The following MAP3K5 variants were observed in gnomAD, a reference collection of about 807,000 sequenced individuals.
MAP3K5 encodes mitogen-activated protein kinase kinase kinase 5, also known as ASK-1.
A neutral mutation model predicts 158.7 loss-of-function variants in MAP3K5; 56 were observed. That is an observed-to-expected ratio of 0.35 (90% CI 0.28 to 0.44). The LOEUF (loss-of-function observed/expected upper bound fraction) is 0.44, where lower values mean the gene tolerates loss of function less well. Among genes scored for constraint, MAP3K5 ranks in the 20% least tolerant of loss-of-function variants. MAP3K5 has a pLI of 1.00. For synonymous variants in MAP3K5, 579 were observed against 601.7 expected (o/e 0.96, Z 0.55); for missense variants, 1,294 against 1,674.8 (o/e 0.77, Z 3.97).
rs1311632693 is a variant in MAP3K5, at chr6:136,581,667, A to C, written c.3412-1261T>G. Among the ~76,000 whole-genome samples, 3 of 152,300 alleles carry C rather than the reference A, an allele frequency of 2.0e-5. 1 individual carries two copies. Among genetic ancestry groups the C allele is most frequent in the South Asian group, 4.1e-4 (2 of 4,830 alleles). ...TCATCAAACTCCCCTAGTTTGGAAG[A>C]GAGTCAGTTTGAGGACTTCATCGTA... On this transcript the variant is annotated intron_variant, in intron 24 of 29. Coordinates refer to ENST00000359015, the MANE Select transcript of MAP3K5 (RefSeq NM_005923.4).
intron 8 of MAP3K5, 49 bp from the exon 9 acceptor site, chr6:136,659,427 T>C: frequency 6.5e-7 from 1 of 1,542,052 alleles, no homozygotes; most frequent in Non-Finnish European, 8.9e-7. Flanking sequence ...CCCACACAGG[T>C]AGAACCAGGT....
At position 136,659,215 on chromosome 6, in the gene MAP3K5, T is replaced by A. The variant is rs774292432; in HGVS notation, c.1526+4A>T. On this transcript the variant is annotated splice_donor_region_variant and intron_variant, in intron 9 of 29. Transcript: ENST00000359015. ...TGTATCAACATATAATAGCTAATTATTACCATGCTGGTGTCTTCAGTTTAA... is the reference window on the plus strand; with the variant it reads ...TGTATCAACATATAATAGCTAATTAATACCATGCTGGTGTCTTCAGTTTAA... 1 of 1,612,056 alleles carries A rather than the reference T, an allele frequency of 6.2e-7. No individual in the cohort carries two copies. Among genetic ancestry groups the A allele is most frequent in the Admixed American group, 1.7e-5 (1 of 59,876 alleles).
At chr6:136,642,454 T>C in intron 12 of MAP3K5, 66 bp downstream of exon 12, 1 of 1,069,954 alleles carries the variant, frequency 9.3e-7, no homozygotes, top group Non-Finnish European at 1.4e-6. Flanking sequence ...TTAGAAGTTC[T>C]ATCCAGCCCA....
Position 136,622,778 on chromosome 6 carries a change from G to A in MAP3K5, c.2150+70C>T, listed in dbSNP as rs538485597. 1.9e-5 allele frequency: 28 copies of A among 1,491,340 alleles called. No homozygotes were observed. The East Asian group carries it at 5.2e-4, about 28-fold the overall frequency. The allele number at this position is 1,491,340 out of a possible 1,614,324, so 92.4% of individuals were successfully genotyped here. A position where few individuals can be genotyped will look rare whatever the true frequency, so the allele number is the denominator to read the frequency against. ...GTTTCATTCATTAGAATATCATCAA[G>A]TATTTTCTAAAATACTGTCAACAAC... On this transcript the variant is annotated intron_variant, in intron 15 of 29. Transcript: ENST00000359015.
chr6:136,600,911 T>C, intron 21 of MAP3K5, 111 bp downstream of exon 21: 2 of 1,109,920 alleles, frequency 1.8e-6, no homozygotes, highest in African/African-American at 3.1e-5. Flanking sequence ...CACCCTCCTT[T>C]CCCCCCATGT....
At chr6:136,671,071 G>T (rs1779462852) in intron 7 of MAP3K5, among the ~76,000 whole-genome samples, 1 of 152,106 alleles carries the variant, frequency 6.6e-6, no homozygotes, top group Admixed American at 6.6e-5. Flanking sequence ...AAGGATTTAG[G>T]AGAAGAAAGA....
At chr6:136,558,992 T>G (rs1314688594) in intron 28 of MAP3K5, 116 bp from the exon 29 acceptor site, 28 of 640,330 alleles carry the variant, frequency 4.4e-5, no homozygotes, top group South Asian at 9.9e-5. Flanking sequence ...AAATGAAATC[T>G]ACTAAAAACA....
intron 1 of MAP3K5, among the ~76,000 whole-genome samples, chr6:136,730,963 T>G (rs1782198712): frequency 6.6e-6 from 1 of 152,130 alleles, no homozygotes; most frequent in South Asian, 2.1e-4. Flanking sequence ...GTAGAAACAA[T>G]GGATACTATA....
At chr6:136,731,748 A>G (rs1782233758) in intron 1 of MAP3K5, among the ~76,000 whole-genome samples, 1 of 152,228 alleles carries the variant, frequency 6.6e-6, no homozygotes, top group Non-Finnish European at 1.5e-5. Context: ...AAGGTGCTGA[A>G]TACAAGATGA....
intron 1 of MAP3K5, among the ~76,000 whole-genome samples, chr6:136,752,357 G>A (rs1212313522): frequency 2.0e-5 from 3 of 152,214 alleles, no homozygotes; most frequent in Non-Finnish European, 4.4e-5. Flanking sequence ...TCCTGAGGAG[G>A]AAGGTTGGGA....
chr6:136,596,081 G>A (rs1775616909), intron 21 of MAP3K5, among the ~76,000 whole-genome samples: 1 of 152,170 alleles, frequency 6.6e-6, no homozygotes, highest in African/African-American at 2.4e-5. Context: ...CTACCTGGCT[G>A]GAGATGGTAT....
At chr6:136,668,869 G>T (rs1367994510) in intron 8 of MAP3K5, among the ~76,000 whole-genome samples, 1 of 152,026 alleles carries the variant, frequency 6.6e-6, no homozygotes, top group Non-Finnish European at 1.5e-5. Flanking sequence ...CATAGGGAAA[G>T]GTGTGCTTGA....
chr6:136,567,551 C>T, intron 26 of MAP3K5, 80 bp downstream of exon 26: 1 of 1,407,378 alleles, frequency 7.1e-7, no homozygotes. Context: ...ATAAGGGAAT[C>T]ATATTCTGTA....
At chr6:136,771,440 G>A (rs1289233681) in intron 1 of MAP3K5, among the ~76,000 whole-genome samples, 2 of 152,074 alleles carry the variant, frequency 1.3e-5, no homozygotes, top group Admixed American at 6.5e-5. Context: ...GCCCACCAGT[G>A]TGCCATGTCA....
chr6:136,707,765 T>C (rs570154805), intron 2 of MAP3K5, among the ~76,000 whole-genome samples: 34 of 152,306 alleles, frequency 2.2e-4, no homozygotes, highest in Non-Finnish European at 4.7e-4. Context: ...TCAGCACGTA[T>C]TGGGGCACCA....
At chr6:136,635,010 G>A (rs940310787) in intron 14 of MAP3K5, among the ~76,000 whole-genome samples, 2 of 151,310 alleles carry the variant, frequency 1.3e-5, no homozygotes, top group Non-Finnish European at 2.9e-5. Flanking sequence ...TCAGCCTCCT[G>A]AGTAGCTGAG....
At chr6:136,772,104 G>C (rs563980295) in intron 1 of MAP3K5, among the ~76,000 whole-genome samples, 3 of 143,760 alleles carry the variant, frequency 2.1e-5, no homozygotes, top group African/African-American at 5.1e-5. Context: ...GAAATGGGGG[G>C]GGGGGGTTTA....
intron 10 of MAP3K5, among the ~76,000 whole-genome samples, chr6:136,655,446 A>G (rs1005643764): frequency 2.0e-5 from 3 of 152,232 alleles, no homozygotes; most frequent in Non-Finnish European, 4.4e-5. Flanking sequence ...TCAGCAATGG[A>G]TTTAATTAAG....
At chr6:136,625,818 T>C (rs1219770665) in intron 14 of MAP3K5, among the ~76,000 whole-genome samples, 1 of 150,520 alleles carries the variant, frequency 6.6e-6, no homozygotes, top group East Asian at 1.9e-4. Flanking sequence ...ATGACAAATC[T>C]CAATCCTCAA....
Sources: allele counts gnomAD v4.1 joint callset (sites outside exome capture counted in the v4.1 genomes callset), GRCh38; gene constraint gnomAD v4.1.1; transcripts MANE v1.5; gene names NCBI Gene and HGNC (gene_info 2026-07-23, HGNC 2026-07-21).